The following CHD1L variants were observed in gnomAD, a reference collection of about 807,000 sequenced individuals.
CHD1L encodes the protein ATP-dependent chromatin remodeler CHD1L.
A neutral mutation model predicts 115.9 loss-of-function variants in CHD1L; 118 were observed. The ratio of observed to expected loss-of-function variants is 1.02; its 90% confidence interval spans 0.88 to 1.19. CHD1L has a LOEUF of 1.19. Ranked by LOEUF, CHD1L falls within the 50% of genes most tolerant of loss-of-function variation. The pLI is 0.00. For missense variants in CHD1L, 1,179 were observed against 1,065.3 expected (o/e 1.11, Z -1.49); for synonymous variants, 411 against 387.1 (o/e 1.06, Z -0.72).
chr1:147,234,776 C>T, the CHD1L span, among the ~76,000 whole-genome samples: 1 of 152,152 alleles, frequency 6.6e-6, no homozygotes, highest in Non-Finnish European at 1.5e-5. Context: ...TTTATACTGA[C>T]ATGAAAAAAT....
the CHD1L span, among the ~76,000 whole-genome samples, chr1:147,200,921 A>C: frequency 6.6e-6 from 1 of 152,210 alleles, no homozygotes; most frequent in Non-Finnish European, 1.5e-5. Context: ...AAGCATCAGC[A>C]AGGATGGTGT....
the CHD1L span, among the ~76,000 whole-genome samples, chr1:147,217,259 AAG>A: frequency 6.6e-6 from 1 of 152,154 alleles, no homozygotes; most frequent in Admixed American, 6.5e-5. Flanking sequence ...GAAAAAGAAA[AAG>A]AAAAAAAAAC....
chr1:147,191,363 A>C, the CHD1L span, among the ~76,000 whole-genome samples: 1 of 152,028 alleles, frequency 6.6e-6, no homozygotes, highest in Non-Finnish European at 1.5e-5. Context: ...CTGACTTTTT[A>C]ATGATCGCCA....
chr1:147,256,663 A>G, intron 5 of CHD1L, 101 bp downstream of exon 5: 1 of 1,130,352 alleles, frequency 8.8e-7, no homozygotes, highest in Non-Finnish European at 1.3e-6. Flanking sequence ...CATGTCTGGT[A>G]TGTCTTCCAT....
intron 1 of CHD1L, among the ~76,000 whole-genome samples, chr1:147,243,348 G>C (rs947152951): frequency 2.0e-5 from 3 of 152,000 alleles, no homozygotes; most frequent in African/African-American, 7.3e-5. Flanking sequence ...GGTAGTGAGC[G>C]GACAAACTCA....
chr1:147,284,693 A>G (rs1553964191), intron 16 of CHD1L, among the ~76,000 whole-genome samples, 194 bp downstream of exon 16: 1 of 152,222 alleles, frequency 6.6e-6, no homozygotes, highest in Non-Finnish European at 1.5e-5. Flanking sequence ...TGAAAAACAT[A>G]AAGGAGAGAA....
the CHD1L span, among the ~76,000 whole-genome samples, chr1:147,234,232 A>G: frequency 2.6e-5 from 4 of 152,202 alleles, no homozygotes; most frequent in Non-Finnish European, 5.9e-5. Flanking sequence ...GAGCCTTCGC[A>G]GCCTCCACAA....
the CHD1L span, among the ~76,000 whole-genome samples, chr1:147,216,637 A>T: frequency 6.6e-6 from 1 of 152,320 alleles, no homozygotes; most frequent in East Asian, 1.9e-4. Context: ...AGCATTATTC[A>T]TAATACAAAA....
At chr1:147,202,482 G>A in the CHD1L span, among the ~76,000 whole-genome samples, 650 of 151,980 alleles carry the variant, frequency 4.3e-3, 5 homozygotes, top group African/African-American at 0.015. Flanking sequence ...ACCATGCCTG[G>A]CTAATTTTTG....
chr1:147,282,699 A>G (rs984985018), intron 15 of CHD1L, among the ~76,000 whole-genome samples: 2 of 152,188 alleles, frequency 1.3e-5, no homozygotes, highest in Non-Finnish European at 2.9e-5. Flanking sequence ...GTAGCAACAC[A>G]CTCAGTTCTG....
upstream of CHD1L, chr1:147,242,656 G>A (rs782028549): frequency 4.8e-6 from 6 of 1,260,114 alleles, no homozygotes; most frequent in South Asian, 3.7e-5. Context: ...GGGAAGTTGG[G>A]AGGGAGGTGC....
chr1:147,187,062 C>G, the CHD1L span: 1 of 1,614,116 alleles, frequency 6.2e-7, no homozygotes, highest in African/African-American at 1.3e-5. Flanking sequence ...CCCCATCCCA[C>G]TTTCCAGGGC....
intron 1 of CHD1L, 79 bp downstream of exon 1, chr1:147,242,909 G>C: frequency 8.1e-7 from 1 of 1,232,150 alleles, no homozygotes. Flanking sequence ...GGCGCAGCGG[G>C]TGGGCCGCCC....
the CHD1L span, among the ~76,000 whole-genome samples, chr1:147,199,496 A>G: frequency 6.6e-6 from 1 of 152,172 alleles, no homozygotes; most frequent in East Asian, 1.9e-4. Context: ...TTTCCCTAAG[A>G]TCCCATAATC....
intron 19 of CHD1L, among the ~76,000 whole-genome samples, chr1:147,290,098 T>C (rs1002088765): frequency 3.3e-5 from 5 of 152,128 alleles, no homozygotes; most frequent in Admixed American, 6.5e-5. Context: ...TTTGTTGTTT[T>C]GTTTTTGTTT....
At chr1:147,284,667 T>C (rs1682360219) in intron 16 of CHD1L, among the ~76,000 whole-genome samples, 168 bp downstream of exon 16, 1 of 152,136 alleles carries the variant, frequency 6.6e-6, no homozygotes, top group Admixed American at 6.5e-5. Flanking sequence ...ATAAAAACTA[T>C]GTAAAAAAGT....
intron 9 of CHD1L, among the ~76,000 whole-genome samples, chr1:147,267,790 ATTC>A (rs1674530483): frequency 2.0e-5 from 3 of 152,082 alleles, no homozygotes. Context: ...ATGTCTCTTT[ATTC>A]TTCTATAATC....
At chr1:147,292,928 A>C (rs1686109897) in intron 20 of CHD1L, among the ~76,000 whole-genome samples, 1 of 152,222 alleles carries the variant, frequency 6.6e-6, no homozygotes, top group Non-Finnish European at 1.5e-5. Context: ...TCCAAACTAC[A>C]CAGTGACTAA....
intron 10 of CHD1L, among the ~76,000 whole-genome samples, chr1:147,269,938 C>T (rs10494244): frequency 0.055 from 8,422 of 152,234 alleles, 364 homozygotes; most frequent in East Asian, 0.16. Context: ...CATTGGTTCT[C>T]GTATATCTGC....
Sources: allele counts gnomAD v4.1 joint callset (sites outside exome capture counted in the v4.1 genomes callset), GRCh38; gene constraint gnomAD v4.1.1; transcripts MANE v1.5; gene names NCBI Gene and HGNC (gene_info 2026-07-23, HGNC 2026-07-21).